Variants in PCMTD1 observed in about 807,000 individuals in gnomAD.
The protein encoded by PCMTD1 is protein-L-isoaspartate O-methyltransferase domain-containing protein 1.
Under a neutral mutation model 37.6 loss-of-function variants are expected in PCMTD1, and 12 were observed. The observed-to-expected ratio is 0.32, with a 90% CI of 0.20 to 0.52. The LOEUF (loss-of-function observed/expected upper bound fraction) is 0.52, where lower values mean the gene tolerates loss of function less well. Ranked by LOEUF, PCMTD1 falls within the 20% of genes least tolerant of loss-of-function variation. The probability of loss-of-function intolerance (pLI) is 0.97; values close to 1 mark genes in which losing one functional copy is unlikely to be tolerated. For synonymous variants in PCMTD1, 117 were observed against 135.8 expected, an observed-to-expected ratio of 0.86 and a Z score of 0.96; for missense variants, 235 against 421.3, an observed-to-expected ratio of 0.56 and a Z score of 3.87.
chr8:51,890,560 T>C (rs533747418), intron 1 of PCMTD1, among the ~76,000 whole-genome samples: 16 of 152,312 alleles, frequency 1.1e-4, no homozygotes, highest in Admixed American at 4.6e-4. Context: ...CATTTCTAAA[T>C]AGTTCCTTCT....
chr8:51,831,024 C>T (rs188650750), intron 5 of PCMTD1, among the ~76,000 whole-genome samples: 28 of 151,142 alleles, frequency 1.9e-4, no homozygotes, highest in African/African-American at 6.3e-4. Flanking sequence ...AGGCCCAGTG[C>T]GGGTGGCTCA....
chr8:51,823,852 C>T (rs529329392), intron 5 of PCMTD1, among the ~76,000 whole-genome samples: 1 of 152,290 alleles, frequency 6.6e-6, no homozygotes, highest in African/African-American at 2.4e-5. Context: ...CCACCACAAT[C>T]AAGTCTGCTT....
rs2038353289 is a variant in PCMTD1, at chr8:51,854,418, T to C, written c.307+6427A>G. Among the ~76,000 whole-genome samples, 3 of 151,978 alleles carry C rather than the reference T, an allele frequency of 2.0e-5. 1 individual carries two copies. In the South Asian group the frequency reaches 6.2e-4, roughly 32 times the overall value. ...AAATAGAACAGTGGTGGCAACTCCA[T>C]ACAGAGAACAAGAGCAGAAAAAAGA... On this transcript the variant is annotated intron_variant, in intron 2 of 5. Transcript: ENST00000522514.
intron 1 of PCMTD1, among the ~76,000 whole-genome samples, chr8:51,868,098 C>A (rs1014698760): frequency 1.3e-5 from 2 of 152,058 alleles, no homozygotes; most frequent in African/African-American, 4.8e-5. Context: ...CATAAATATA[C>A]AATTATTCTT....
intron 5 of PCMTD1, among the ~76,000 whole-genome samples, chr8:51,822,077 A>C (rs964987025): frequency 1.3e-5 from 2 of 152,204 alleles, no homozygotes; most frequent in Non-Finnish European, 2.9e-5. Context: ...CTCCCTGAGA[A>C]GATCCTGTCC....
At chr8:51,898,780 T>A in intron 1 of PCMTD1, 150 bp downstream of exon 1, 24 of 467,144 alleles carry the variant, frequency 5.1e-5, no homozygotes, top group South Asian at 1.0e-4. Context: ...GCCCCCGACC[T>A]GCCCGCCCTT....
At chr8:51,888,205 A>C (rs981818977) in intron 1 of PCMTD1, among the ~76,000 whole-genome samples, 1 of 152,200 alleles carries the variant, frequency 6.6e-6, no homozygotes, top group Non-Finnish European at 1.5e-5. Flanking sequence ...ACAGAAGTTC[A>C]GTTCAATAGA....
intron 1 of PCMTD1, among the ~76,000 whole-genome samples, chr8:51,869,951 G>C (rs748349825): frequency 4.6e-5 from 7 of 152,100 alleles, no homozygotes; most frequent in Non-Finnish European, 5.9e-5. Context: ...CCAAAATTTA[G>C]AATTGTGACT....
intron 5 of PCMTD1, 120 bp downstream of exon 5, chr8:51,831,324 C>A: frequency 2.9e-6 from 3 of 1,051,086 alleles, no homozygotes; most frequent in South Asian, 2.0e-5. Flanking sequence ...TGAATAAATC[C>A]ACCAAATATC....
At chr8:51,898,868 G>A in intron 1 of PCMTD1, 62 bp downstream of exon 1, 4 of 1,238,570 alleles carry the variant, frequency 3.2e-6, no homozygotes, top group Non-Finnish European at 3.0e-6. Flanking sequence ...TCGCCCGCCC[G>A]GCCCTAGCAC....
At chr8:51,822,718 G>A (rs1284299546) in intron 5 of PCMTD1, among the ~76,000 whole-genome samples, 2 of 152,178 alleles carry the variant, frequency 1.3e-5, no homozygotes, top group African/African-American at 2.4e-5. Flanking sequence ...GGCAAGGTCG[G>A]GGCTGGAGAT....
chr8:51,897,646 G>C (rs962684286), intron 1 of PCMTD1, among the ~76,000 whole-genome samples: 1 of 152,030 alleles, frequency 6.6e-6, no homozygotes, highest in African/African-American at 2.4e-5. Flanking sequence ...AAGTAATGTC[G>C]TCTGGCCGCA....
At chr8:51,885,056 T>C (rs2038845353) in intron 1 of PCMTD1, among the ~76,000 whole-genome samples, 1 of 152,190 alleles carries the variant, frequency 6.6e-6, no homozygotes, top group South Asian at 2.1e-4. Flanking sequence ...CTTTCCTGAC[T>C]GGACCCAGAT....
chr8:51,899,104 C>T, upstream of PCMTD1: 6 of 1,460,272 alleles, frequency 4.1e-6, no homozygotes, highest in Admixed American at 9.7e-5. Flanking sequence ...CCGCCGGGGT[C>T]CGGGCATGCG....
intron 1 of PCMTD1, among the ~76,000 whole-genome samples, chr8:51,876,341 G>A (rs1334429235): frequency 2.0e-5 from 3 of 152,152 alleles, no homozygotes; most frequent in Admixed American, 6.5e-5. Context: ...TGGAAATGGA[G>A]GAGTCAGTGG....
intron 3 of PCMTD1, chr8:51,844,950 A>C (rs2038197344): frequency 6.6e-6 from 1 of 152,214 alleles, no homozygotes; most frequent in Non-Finnish European, 1.5e-5. Flanking sequence ...CTCTTTGAAA[A>C]TCAGATACAC....
chr8:51,820,853 C>G, intron 5 of PCMTD1, 135 bp from the exon 6 acceptor site: 1 of 1,059,730 alleles, frequency 9.4e-7, no homozygotes, highest in Non-Finnish European at 1.3e-6. Context: ...CTCTACCTTT[C>G]ATCTAACAAA....
At chr8:51,824,399 A>G (rs1394479102) in intron 5 of PCMTD1, among the ~76,000 whole-genome samples, 1 of 152,238 alleles carries the variant, frequency 6.6e-6, no homozygotes, top group Non-Finnish European at 1.5e-5. Context: ...CTATACATCA[A>G]TAACAGACAA....
At chr8:51,894,647 C>A (rs2038975891) in intron 1 of PCMTD1, among the ~76,000 whole-genome samples, 1 of 152,110 alleles carries the variant, frequency 6.6e-6, no homozygotes, top group Admixed American at 6.5e-5. Flanking sequence ...GGAACATGAT[C>A]AGGACTACAT....
Sources: gnomAD v4.1 joint callset for allele counts (sites outside exome capture counted in the v4.1 genomes callset) on GRCh38, gnomAD v4.1.1 for gene constraint, MANE v1.5 for transcripts, NCBI Gene and HGNC (gene_info 2026-07-23, HGNC 2026-07-21) for gene names.